Variants in NWD1 observed in about 807,000 individuals in gnomAD.
The protein encoded by NWD1 is NACHT domain- and WD repeat-containing protein 1.
NWD1 carries 129 observed loss-of-function variants against 135.1 expected under a neutral mutation model. The ratio of observed to expected loss-of-function variants is 0.96; its 90% CI spans 0.83 to 1.11. The LOEUF (loss-of-function observed/expected upper bound fraction) is 1.11, where lower values mean the gene tolerates loss of function less well. Among genes scored for constraint, NWD1 ranks in the 50% least tolerant of loss-of-function variants. NWD1 has a pLI of 0.00. For missense variants in NWD1, 1,740 were observed against 1,851.3 expected (o/e 0.94, Z 1.10); for synonymous variants, 773 against 786.0 (o/e 0.98, Z 0.28).
rs557861385 is a variant in NWD1 at position 16,745,294 on chromosome 19, G to A, written c.496+576G>A. On this transcript the variant is annotated intron_variant, in intron 5 of 18. Coordinates refer to ENST00000524140, the MANE Select transcript of NWD1 (RefSeq NM_001007525.5). ...TCCCACCAGGTCCCTCCCACAGCAC[G>A]TGTGAATTATGGGAGCTACAATTCA... The A allele has an allele frequency of 6.0e-4, 195 of 323,056 alleles. 4 individuals carry two copies. Among genetic ancestry groups the A allele is most frequent in the South Asian group, 4.6e-3 (192 of 41,840 alleles). 20.0% of individuals were successfully genotyped at this position (323,056 alleles called of 1,614,324 possible).
At chr19:16,798,498 C>G (rs1326135818) in intron 16 of NWD1, among the ~76,000 whole-genome samples, 1 of 152,072 alleles carries the variant, frequency 6.6e-6, no homozygotes, top group East Asian at 1.9e-4. Flanking sequence ...GTAGTCCTAG[C>G]TACTCAGGAA....
intron 10 of NWD1, among the ~76,000 whole-genome samples, chr19:16,768,291 TGGCTAAGAATTTCCTTCCTTTTCAA>T (rs369331492): frequency 0.045 from 6,784 of 152,050 alleles, 480 homozygotes; most frequent in African/African-American, 0.15. Context: ...CTACCATGCC[TGGCTAAGAATTTCCTTCCTTTTCAA>T]GGCTAAGAAT....
At chr19:16,806,488 G>A (rs143682457) in intron 17 of NWD1, among the ~76,000 whole-genome samples, 1 of 152,268 alleles carries the variant, frequency 6.6e-6, no homozygotes, top group African/African-American at 2.4e-5. Flanking sequence ...GGGAGGCAAA[G>A]GTGGGAGGAT....
chr19:16,758,702 C>T (rs1311200707), intron 6 of NWD1, among the ~76,000 whole-genome samples: 8 of 152,134 alleles, frequency 5.3e-5, no homozygotes, highest in Non-Finnish European at 8.8e-5. Flanking sequence ...CAGACCCCTT[C>T]GAGGTTGAGG....
At chr19:16,751,468 G>C (rs1467956070) in intron 6 of NWD1, among the ~76,000 whole-genome samples, 10 of 149,906 alleles carry the variant, frequency 6.7e-5, no homozygotes, top group Non-Finnish European at 1.5e-4. Flanking sequence ...GAAAGGAAGA[G>C]AGAAAGAAAG....
intron 8 of NWD1, among the ~76,000 whole-genome samples, 159 bp downstream of exon 8, chr19:16,762,297 C>CTTTTT (rs71180331): frequency 0.22 from 25,395 of 117,600 alleles, 4,016 homozygotes; most frequent in Middle Eastern, 0.34. Context: ...CCCCCCACTC[C>CTTTTT]TTTTTTTTTT....
rs535820295 is a variant in NWD1, at chr19:16,731,636, G to A, written c.81+358G>A. On this transcript the variant is annotated intron_variant, in intron 3 of 18. Coordinates refer to ENST00000524140, the MANE Select transcript of NWD1 (RefSeq NM_001007525.5). ...TTTTTTTTTTTTGAGACAGAGTCTCGCTCTGCCACCCAGGCTGGAGTGCAA... is the reference window on the plus strand; with the variant it reads ...TTTTTTTTTTTTGAGACAGAGTCTCACTCTGCCACCCAGGCTGGAGTGCAA... Among the ~76,000 whole-genome samples the A allele has an allele frequency of 3.2e-4, 41 of 128,144 alleles. 1 individual carries two copies. The highest frequency in any genetic ancestry group is 6.0e-3 in the Middle Eastern group (1 of 166). 84.1% of individuals were successfully genotyped at this position (128,144 alleles called of 152,430 possible).
intron 2 of NWD1, among the ~76,000 whole-genome samples, chr19:16,726,711 T>C (rs538563409): frequency 3.3e-5 from 5 of 152,282 alleles, no homozygotes; most frequent in African/African-American, 1.2e-4. Context: ...AGTGCTGGGA[T>C]TATAGGTGTG....
chr19:16,769,086 C>T (rs1599496993), intron 10 of NWD1, among the ~76,000 whole-genome samples: 1 of 152,130 alleles, frequency 6.6e-6, no homozygotes, highest in East Asian at 1.9e-4. Flanking sequence ...TATCTCGGCA[C>T]TTTGGGAGGC....
intron 17 of NWD1, among the ~76,000 whole-genome samples, chr19:16,803,159 C>T (rs370000328): frequency 5.3e-5 from 8 of 152,240 alleles, no homozygotes; most frequent in African/African-American, 1.2e-4. Context: ...GAGACTTATT[C>T]GCTACCACAA....
chr19:16,744,571 C>T lies in NWD1; in HGVS notation c.349C>T (p.Pro117Ser), dbSNP rs1015625340. Residue 117 changes from proline to serine, a missense_variant, in exon 5 of 19, where the codon CCC becomes TCC. Pro to Ser is a moderately conservative substitution (Grantham distance 74). Transcript: ENST00000524140. Reference protein sequence around the residue: ...YFQRDENAFPPTYVLQAPGTG... With the variant: ...YFQRDENAFPSTYVLQAPGTG... Reference sequence around the variant, plus strand: ...CCAGAGGGACGAGAATGCGTTTCCTCCCACCTACGTCCTGCAGGCACCAGG... The same window carrying T: ...CCAGAGGGACGAGAATGCGTTTCCTTCCACCTACGTCCTGCAGGCACCAGG... 2.1e-5 allele frequency: 33 copies of T among 1,535,224 alleles called. No individual in the cohort carries two copies. The highest frequency in any genetic ancestry group is 2.8e-5 in the Non-Finnish European group (32 of 1,146,486).
At chr19:16,743,059 C>A (rs1421023104) in intron 4 of NWD1, among the ~76,000 whole-genome samples, 2 of 150,920 alleles carry the variant, frequency 1.3e-5, no homozygotes, top group Non-Finnish European at 3.0e-5. Context: ...ATTACACCTG[C>A]ACGCCACCAT....
At position 16,786,807 on chromosome 19, in the gene NWD1, C is replaced by T. The variant is rs189335012; in HGVS notation, c.2732-2175C>T. On this transcript the variant is annotated intron_variant, in intron 12 of 18. Coordinates refer to ENST00000524140, the MANE Select transcript of NWD1 (RefSeq NM_001007525.5). ...GCTCAGGCGATCTGCCCGCCTCAGC[C>T]TCCCAACGTGCTGGGATTACAGGCA... Among the ~76,000 whole-genome samples, 103 of 152,226 alleles carry T rather than the reference C, an allele frequency of 6.8e-4. 1 individual carries two copies. The highest frequency in any genetic ancestry group is 2.5e-3 in the South Asian group (12 of 4,816).
chr19:16,783,029 T>TTTTC (rs1340417283), intron 12 of NWD1, among the ~76,000 whole-genome samples: 1 of 138,230 alleles, frequency 7.2e-6, no homozygotes, highest in Non-Finnish European at 1.5e-5. Context: ...TCTTTCTTTC[T>TTTTC]TTTCTTTCTT....
At chr19:16,789,718 T>C (rs868564782) in intron 13 of NWD1, among the ~76,000 whole-genome samples, 170 of 140,196 alleles carry the variant, frequency 1.2e-3, no homozygotes, top group African/African-American at 2.2e-3. Flanking sequence ...CTCTCTCTCT[T>C]TTTTTTTTTT....
At chr19:16,795,507 C>T (rs1028483091) in intron 15 of NWD1, among the ~76,000 whole-genome samples, 14 of 151,546 alleles carry the variant, frequency 9.2e-5, no homozygotes, top group African/African-American at 3.4e-4. Context: ...ACCTCCACCT[C>T]CCGGGTTCAA....
chr19:16,817,747 C>T lies in NWD1; in HGVS notation c.*2708C>T, dbSNP rs1971104972. 3 of 152,180 alleles carry T rather than the reference C, an allele frequency of 2.0e-5. No homozygotes were observed. In the South Asian group the frequency reaches 6.2e-4, roughly 32 times the overall value. The allele number at this position is 152,180 out of a possible 1,614,324, so 9.4% of individuals were successfully genotyped here. A position where few individuals can be genotyped will look rare whatever the true frequency, so the allele number is the denominator to read the frequency against. ...AAGGGAGCCCTGAAAAAATTAGCTACTCTTTGCCACTGCTTCTCTGTGAAT... is the reference window on the plus strand; with the variant it reads ...AAGGGAGCCCTGAAAAAATTAGCTATTCTTTGCCACTGCTTCTCTGTGAAT... On this transcript the variant is annotated 3_prime_UTR_variant, in exon 19 of 19. Transcript: ENST00000524140.
chr19:16,763,578 G>A (rs2122893475), intron 8 of NWD1, among the ~76,000 whole-genome samples: 1 of 152,236 alleles, frequency 6.6e-6, no homozygotes, highest in Admixed American at 6.5e-5. Context: ...CAGTTCCGAT[G>A]CCTCTGCCTT....
intron 6 of NWD1, among the ~76,000 whole-genome samples, chr19:16,756,273 G>A (rs1968793867): frequency 6.6e-6 from 1 of 151,996 alleles, no homozygotes; most frequent in South Asian, 2.1e-4. Context: ...AAATAATAAG[G>A]AAGAAAAATA....
Sources: gnomAD v4.1 joint callset for allele counts (sites outside exome capture counted in the v4.1 genomes callset) on GRCh38, gnomAD v4.1.1 for gene constraint, MANE v1.5 for transcripts, NCBI Gene and HGNC (gene_info 2026-07-23, HGNC 2026-07-21) for gene names.